SCN1A: variants seen among roughly 807,000 people sequenced by gnomAD.
The protein encoded by SCN1A is sodium channel protein type 1 subunit alpha.
SCN1A carries 13 observed loss-of-function variants against 193.7 expected under a neutral mutation model. The ratio of observed to expected loss-of-function variants is 0.07; its 90% CI spans 0.04 to 0.11. SCN1A has a LOEUF of 0.11. SCN1A is among the 10% of genes least tolerant of loss of function. The probability of loss-of-function intolerance (pLI) is 1.00; values close to 1 mark genes in which losing one functional copy is unlikely to be tolerated. For missense variants in SCN1A, 1,432 were observed against 2,451.1 expected, an observed-to-expected ratio of 0.58 and a Z score of 8.78; for synonymous variants, 781 against 843.6, an observed-to-expected ratio of 0.93 and a Z score of 1.29.
intron 19 of SCN1A, among the ~76,000 whole-genome samples, chr2:166,028,103 CG>C (rs778032540): frequency 2.6e-5 from 4 of 152,076 alleles, no homozygotes; most frequent in Non-Finnish European, 4.4e-5. Flanking sequence ...TAAAAGTGAA[CG>C]TGGAGGAATA....
At chr2:166,017,639 C>T (rs1382210103) in intron 19 of SCN1A, among the ~76,000 whole-genome samples, 1 of 152,048 alleles carries the variant, frequency 6.6e-6, no homozygotes, top group African/African-American at 2.4e-5. Flanking sequence ...AACATTTCAT[C>T]ACCCATTGTT....
chr2:166,006,926 C>T (rs1349589925), intron 23 of SCN1A, among the ~76,000 whole-genome samples: 1 of 151,198 alleles, frequency 6.6e-6, no homozygotes, highest in Non-Finnish European at 1.5e-5. Context: ...GGGTCCCCCG[C>T]CCTCACCAAT....
intron 1 of SCN1A, among the ~76,000 whole-genome samples, chr2:166,134,796 T>G (rs1691791849): frequency 6.6e-6 from 1 of 152,168 alleles, no homozygotes; most frequent in African/African-American, 2.4e-5. Context: ...GGAGACAAAA[T>G]TCAACATTTC....
In SCN1A at chr2:166,015,899, C is replaced by T. The variant is rs1693231343; in HGVS notation, c.3430-172G>A. 3.5e-5 allele frequency: 24 copies of T among 683,252 alleles called. No individual in the cohort carries two copies. The South Asian group carries it at 3.8e-4, about 11-fold the overall frequency. 42.3% of individuals were successfully genotyped at this position (683,252 alleles called of 1,614,324 possible). A position where few individuals can be genotyped will look rare whatever the true frequency, so the allele number is the denominator to read the frequency against. On this transcript the variant is annotated intron_variant, in intron 19 of 28. Transcript: ENST00000674923. ...AGAAATAAGAAAATCATTGTCTGTG[C>T]TAACCCTTTTACCATAATTCACAAT...
At chr2:166,127,594 G>C (rs921035967) in intron 1 of SCN1A, among the ~76,000 whole-genome samples, 177 bp downstream of exon 1, 2 of 152,096 alleles carry the variant, frequency 1.3e-5, no homozygotes, top group East Asian at 1.9e-4. Flanking sequence ...GAGAGAGGAG[G>C]GGGGAGGGGA....
At chr2:166,054,534 A>AC in intron 7 of SCN1A, 104 bp downstream of exon 7, 2 of 1,242,242 alleles carry the variant, frequency 1.6e-6, no homozygotes, top group Non-Finnish European at 2.3e-6. Context: ...TGTATAAATC[A>AC]CACCAAAATA....
At chr2:166,018,028 GT>G (rs2105653108) in intron 19 of SCN1A, among the ~76,000 whole-genome samples, 1 of 152,044 alleles carries the variant, frequency 6.6e-6, no homozygotes, top group East Asian at 1.9e-4. Context: ...TTGCACATAA[GT>G]GTTTTATCCA....
intron 2 of SCN1A, among the ~76,000 whole-genome samples, chr2:166,082,859 A>G (rs186502544): frequency 6.6e-6 from 1 of 152,202 alleles, no homozygotes; most frequent in East Asian, 1.9e-4. Context: ...AAGTAGTTTA[A>G]TATCCATACT....
chr2:166,116,109 C>T (rs1689831310), intron 2 of SCN1A, among the ~76,000 whole-genome samples: 1 of 152,188 alleles, frequency 6.6e-6, no homozygotes, highest in South Asian at 2.1e-4. Flanking sequence ...TCATGAAAGC[C>T]AGCCATGCTG....
chr2:166,105,946 G>A (rs1406956083), intron 2 of SCN1A, among the ~76,000 whole-genome samples: 1 of 152,208 alleles, frequency 6.6e-6, no homozygotes, highest in Admixed American at 6.5e-5. Flanking sequence ...CCAGCACTTT[G>A]GGAGGCCGAG....
intron 15 of SCN1A, among the ~76,000 whole-genome samples, chr2:166,042,076 A>G (rs182871135): frequency 6.6e-6 from 1 of 152,324 alleles, no homozygotes; most frequent in East Asian, 1.9e-4. Flanking sequence ...GTTGCTACAC[A>G]GTTAGGAAAA....
chr2:166,079,792 A>T (rs1039922750), intron 2 of SCN1A, among the ~76,000 whole-genome samples: 23 of 151,530 alleles, frequency 1.5e-4, no homozygotes, highest in Admixed American at 5.3e-4. Flanking sequence ...CAAACGTATT[A>T]TATATAATTA....
chr2:166,080,320 T>C (rs1316980012), intron 2 of SCN1A, among the ~76,000 whole-genome samples: 1 of 151,850 alleles, frequency 6.6e-6, no homozygotes, highest in East Asian at 1.9e-4. Context: ...GAGACCTTGC[T>C]CCTTTCAAAA....
At position 165,991,370 on chromosome 2, in the gene SCN1A, TAG is replaced by T. The variant is rs1284612392; in HGVS notation, c.5903_5904del (p.Ser1968TyrfsTer6). Reference sequence around the variant, plus strand: ...ATGGTCAGATCAGTTTTTTCTGTAATAGAGTTTTCATTTATTCTGTCAATTAT... The same window carrying T: ...ATGGTCAGATCAGTTTTTTCTGTAATAGTTTTCATTTATTCTGTCAATTAT... ...DMIIDRINEN[S>X]ITEKTDLTMS... On this transcript the variant is annotated frameshift_variant, in exon 29 of 29. Transcript: ENST00000674923. LOFTEE classifies it high-confidence loss of function. 6.2e-7 allele frequency: 1 copy of T among 1,613,304 alleles called. No individual in the cohort carries two copies. Among genetic ancestry groups the T allele is most frequent in the Non-Finnish European group, 8.5e-7 (1 of 1,179,768 alleles).
intron 15 of SCN1A, 71 bp downstream of exon 15, chr2:166,042,221 A>G: frequency 2.0e-6 from 3 of 1,494,928 alleles, no homozygotes; most frequent in Non-Finnish European, 1.9e-6. Context: ...ACTCACAAAT[A>G]TATTTGTTTG....
chr2:166,136,409 A>G (rs1268561469), intron 1 of SCN1A, among the ~76,000 whole-genome samples: 1 of 133,356 alleles, frequency 7.5e-6, no homozygotes, highest in Non-Finnish European at 1.6e-5. Context: ...CTAAGATTAC[A>G]TATCATATAT....
At chr2:166,123,223 C>CAAAAAAAAAAAAAAAAAAAAAA (rs57488795) in intron 2 of SCN1A, among the ~76,000 whole-genome samples, 5 of 116,400 alleles carry the variant, frequency 4.3e-5, no homozygotes, top group Admixed American at 9.6e-5. Flanking sequence ...CATTCATTTG[C>CAAAAAAAAAAAAAAAAAAAAAA]AAAAAAAAAA....
intron 2 of SCN1A, among the ~76,000 whole-genome samples, chr2:166,081,042 C>CT (rs35947757): frequency 0.23 from 34,494 of 151,652 alleles, 3,979 homozygotes; most frequent in Middle Eastern, 0.4. Context: ...TTATATATCT[C>CT]TGTTTCCCGT....
chr2:166,070,857 T>G (rs146766631), intron 4 of SCN1A, among the ~76,000 whole-genome samples: 1 of 152,290 alleles, frequency 6.6e-6, no homozygotes, highest in African/African-American at 2.4e-5. Context: ...TCTCAAAACA[T>G]TCATTTATTA....
Sources: gnomAD v4.1 joint callset for allele counts (sites outside exome capture counted in the v4.1 genomes callset) on GRCh38, gnomAD v4.1.1 for gene constraint, MANE v1.5 for transcripts, NCBI Gene and HGNC (gene_info 2026-07-23, HGNC 2026-07-21) for gene names.